The following FARS2 variants were observed in gnomAD, a reference collection of about 807,000 sequenced individuals.
FARS2 encodes the protein phenylalanyl-tRNA synthetase 2, mitochondrial.
Under a neutral mutation model 46.4 loss-of-function variants are expected in FARS2, and 40 were observed. The ratio of observed to expected loss-of-function variants is 0.86; its 90% CI spans 0.67 to 1.12. FARS2 has a LOEUF of 1.12. Among genes scored for constraint, FARS2 ranks in the 50% most tolerant of loss-of-function variants. The probability of loss-of-function intolerance (pLI) is 0.00; values close to 1 mark genes in which losing one functional copy is unlikely to be tolerated. For missense variants in FARS2, 513 were observed against 567.9 expected (o/e 0.90, Z 0.98); for synonymous variants, 234 against 214.9 (o/e 1.09, Z -0.78).
intron 5 of FARS2, among the ~76,000 whole-genome samples, chr6:5,575,441 A>G (rs933394566): frequency 1.3e-5 from 2 of 152,194 alleles, no homozygotes; most frequent in Admixed American, 6.5e-5. Context: ...TCCACCCAAT[A>G]TTTGAGAGCA....
chr6:5,647,260 C>T lies in FARS2; in HGVS notation c.1217+33940C>T, dbSNP rs985655140. On this transcript the variant is annotated intron_variant, in intron 6 of 6. Coordinates refer to ENST00000274680, the MANE Select transcript of FARS2 (RefSeq NM_006567.5). The stretch of plus-strand genomic sequence containing the variant: ...CTTCCCGCCTCTCTTCCTGGGGGAA[C>T]CAATGTCTTCTTCATCTCTGTTCCC... Among the ~76,000 whole-genome samples, 34 of 152,184 alleles carry T rather than the reference C, an allele frequency of 2.2e-4. 1 individual carries two copies. The highest frequency in any genetic ancestry group is 7.7e-4 in the African/African-American group (32 of 41,434).
chr6:5,407,482 G>A (rs1761682387), intron 3 of FARS2, among the ~76,000 whole-genome samples: 2 of 151,968 alleles, frequency 1.3e-5, no homozygotes, highest in Admixed American at 6.6e-5. Flanking sequence ...CTAATCTTCT[G>A]TATTTTTAAT....
intron 5 of FARS2, among the ~76,000 whole-genome samples, chr6:5,571,138 G>A (rs886453300): frequency 8.5e-5 from 13 of 152,126 alleles, no homozygotes; most frequent in African/African-American, 2.7e-4. Context: ...TATGTAAATG[G>A]AACTTGCATG....
At chr6:5,686,818 A>G (rs1205212501) in intron 6 of FARS2, among the ~76,000 whole-genome samples, 1 of 152,250 alleles carries the variant, frequency 6.6e-6, no homozygotes, top group African/African-American at 2.4e-5. Flanking sequence ...AGTCCCACCA[A>G]TAGTGTGAAA....
intron 4 of FARS2, among the ~76,000 whole-genome samples, chr6:5,535,218 A>G (rs1338040209): frequency 6.6e-6 from 1 of 152,134 alleles, no homozygotes; most frequent in Non-Finnish European, 1.5e-5. Flanking sequence ...TATTTTGCCT[A>G]TTGTTCCATT....
At chr6:5,717,924 A>ATATATATATATATATG (rs1759609501) in intron 6 of FARS2, among the ~76,000 whole-genome samples, 1 of 129,758 alleles carries the variant, frequency 7.7e-6, no homozygotes, top group African/African-American at 4.2e-5. Flanking sequence ...ATATATATAT[A>ATATATATATATATATG]TATATATATA....
At chr6:5,433,244 T>A (rs1562037609) in intron 4 of FARS2, among the ~76,000 whole-genome samples, 1 of 152,152 alleles carries the variant, frequency 6.6e-6, no homozygotes, top group Non-Finnish European at 1.5e-5. Flanking sequence ...GGTGCAAGGA[T>A]ACACCCTCAG....
intron 5 of FARS2, among the ~76,000 whole-genome samples, chr6:5,560,946 T>G (rs1291487287): frequency 1.3e-5 from 2 of 152,048 alleles, no homozygotes; most frequent in African/African-American, 4.8e-5. Context: ...CTGGCCAACA[T>G]GGTGAAACCC....
chr6:5,441,841 C>T (rs1395941918), intron 4 of FARS2, among the ~76,000 whole-genome samples: 2 of 152,168 alleles, frequency 1.3e-5, no homozygotes, highest in Non-Finnish European at 2.9e-5. Context: ...AGTGGTTGGC[C>T]CAATTTATAT....
intron 6 of FARS2, among the ~76,000 whole-genome samples, chr6:5,733,419 A>G (rs1053538609): frequency 4.6e-5 from 7 of 152,210 alleles, no homozygotes; most frequent in African/African-American, 1.7e-4. Flanking sequence ...CATTTTCTTT[A>G]ATCTATGCAA....
At chr6:5,450,717 A>G (rs1038169909) in intron 4 of FARS2, among the ~76,000 whole-genome samples, 4 of 152,048 alleles carry the variant, frequency 2.6e-5, no homozygotes, top group African/African-American at 9.7e-5. Context: ...TAGTCCAGGC[A>G]CAAGGGACAG....
intron 1 of FARS2, among the ~76,000 whole-genome samples, chr6:5,329,815 T>C (rs1262485383): frequency 6.6e-6 from 1 of 152,242 alleles, no homozygotes; most frequent in Non-Finnish European, 1.5e-5. Flanking sequence ...GGCACACTGC[T>C]CTCCCAGCAC....
intron 4 of FARS2, among the ~76,000 whole-genome samples, chr6:5,536,375 A>C (rs963212768): frequency 6.6e-6 from 1 of 152,136 alleles, no homozygotes; most frequent in East Asian, 1.9e-4. Flanking sequence ...GTTTTAATTC[A>C]TCTTTCTTCA....
At chr6:5,329,923 C>T (rs59900054) in intron 1 of FARS2, among the ~76,000 whole-genome samples, 2,352 of 152,238 alleles carry the variant, frequency 0.015, 54 homozygotes, top group African/African-American at 0.053. Context: ...ACATCATTGG[C>T]TATTGGTCAT....
chr6:5,356,756 G>A (rs763114393), intron 1 of FARS2, among the ~76,000 whole-genome samples: 3 of 152,270 alleles, frequency 2.0e-5, no homozygotes, highest in South Asian at 4.1e-4. Context: ...ATTTCCCCTC[G>A]GAGCAGCGCT....
At chr6:5,407,952 G>A (rs1761711239) in intron 3 of FARS2, among the ~76,000 whole-genome samples, 1 of 152,202 alleles carries the variant, frequency 6.6e-6, no homozygotes, top group Non-Finnish European at 1.5e-5. Context: ...AGGTAGCATT[G>A]TGTCTTAACA....
At chr6:5,434,141 G>T (rs1438500156) in intron 4 of FARS2, among the ~76,000 whole-genome samples, 1 of 152,080 alleles carries the variant, frequency 6.6e-6, no homozygotes, top group Non-Finnish European at 1.5e-5. Flanking sequence ...ACAGAGTCTC[G>T]CTCTGTTGCC....
intron 1 of FARS2, among the ~76,000 whole-genome samples, chr6:5,325,740 A>G (rs1770329700): frequency 1.3e-5 from 2 of 152,178 alleles, no homozygotes; most frequent in African/African-American, 2.4e-5. Context: ...ATTAAGTTTC[A>G]TAAGGAAGCA....
At chr6:5,623,222 G>A (rs977267633) in intron 6 of FARS2, among the ~76,000 whole-genome samples, 1 of 152,222 alleles carries the variant, frequency 6.6e-6, no homozygotes, top group African/African-American at 2.4e-5. Flanking sequence ...TAAAAAGCCA[G>A]TGTCATAGTC....
Sources: allele counts gnomAD v4.1 joint callset (sites outside exome capture counted in the v4.1 genomes callset), GRCh38; gene constraint gnomAD v4.1.1; transcripts MANE v1.5; gene names NCBI Gene and HGNC (gene_info 2026-07-23, HGNC 2026-07-21).